UBE2H: variants seen among roughly 807,000 people sequenced by gnomAD.
The protein encoded by UBE2H is ubiquitin conjugating enzyme E2 H, also known as ubiquitin-conjugating enzyme E2 H.
UBE2H carries 3 observed loss-of-function variants against 29.0 expected under a neutral mutation model. The ratio of observed to expected loss-of-function variants is 0.10; its 90% CI spans 0.05 to 0.27. UBE2H has a LOEUF of 0.27. Ranked by LOEUF, UBE2H falls within the 10% of genes least tolerant of loss-of-function variation. UBE2H has a pLI of 1.00. For missense variants in UBE2H, 68 were observed against 228.2 expected (o/e 0.30, Z 4.52); for synonymous variants, 69 against 82.9 (o/e 0.83, Z 0.91).
chr7:129,920,089 G>C (rs1470103258), intron 1 of UBE2H, among the ~76,000 whole-genome samples: 1 of 152,122 alleles, frequency 6.6e-6, no homozygotes, highest in East Asian at 1.9e-4. Context: ...ATATTGTCCT[G>C]ATCAGCTTAT....
At chr7:129,883,432 G>C (rs1806294312) in intron 1 of UBE2H, among the ~76,000 whole-genome samples, 1 of 152,220 alleles carries the variant, frequency 6.6e-6, no homozygotes, top group Admixed American at 6.5e-5. Flanking sequence ...CGATGTTTAA[G>C]AATGTTCACA....
intron 3 of UBE2H, among the ~76,000 whole-genome samples, chr7:129,862,068 A>T (rs1805813852): frequency 6.6e-6 from 1 of 152,178 alleles, no homozygotes; most frequent in South Asian, 2.1e-4. Context: ...AATCAGAGGA[A>T]CCTCAGGTTA....
chr7:129,891,328 G>C (rs1806483801), intron 1 of UBE2H, among the ~76,000 whole-genome samples: 1 of 151,850 alleles, frequency 6.6e-6, no homozygotes, highest in African/African-American at 2.4e-5. Flanking sequence ...TGGGATTACA[G>C]GCATGCGCCA....
chr7:129,939,988 A>G (rs1379545528), intron 1 of UBE2H, among the ~76,000 whole-genome samples: 2 of 152,008 alleles, frequency 1.3e-5, no homozygotes, highest in Non-Finnish European at 2.9e-5. Context: ...GAAAGAAAGA[A>G]AAGCAAAATC....
intron 1 of UBE2H, among the ~76,000 whole-genome samples, chr7:129,888,010 T>C (rs1327237180): frequency 1.3e-5 from 2 of 152,112 alleles, no homozygotes; most frequent in South Asian, 2.1e-4. Context: ...CTATGAAAAA[T>C]ACAATCACAT....
intron 5 of UBE2H, among the ~76,000 whole-genome samples, chr7:129,845,311 G>C (rs1284072968): frequency 6.6e-6 from 1 of 152,164 alleles, no homozygotes; most frequent in Non-Finnish European, 1.5e-5. Context: ...GATGGGATCT[G>C]TATGTGTGTG....
chr7:129,928,896 A>T (rs1408560317), intron 1 of UBE2H, among the ~76,000 whole-genome samples: 2 of 152,252 alleles, frequency 1.3e-5, no homozygotes, highest in African/African-American at 4.8e-5. Flanking sequence ...ACTTTGTTTT[A>T]AAAGACTTGA....
intron 3 of UBE2H, among the ~76,000 whole-genome samples, chr7:129,866,684 A>G (rs2116335665): frequency 6.6e-6 from 1 of 152,348 alleles, no homozygotes; most frequent in Middle Eastern, 3.4e-3. Context: ...CGTATTGCAT[A>G]TATGTACCAA....
chr7:129,898,744 C>T (rs1196236305), intron 1 of UBE2H, among the ~76,000 whole-genome samples: 3 of 151,722 alleles, frequency 2.0e-5, no homozygotes, highest in Non-Finnish European at 2.9e-5. Context: ...GAGAATCCCT[C>T]CTGAAAGACA....
intron 1 of UBE2H, among the ~76,000 whole-genome samples, chr7:129,889,178 G>A (rs1291735489): frequency 1.3e-5 from 2 of 152,220 alleles, no homozygotes; most frequent in Admixed American, 1.3e-4. Flanking sequence ...AGTATTCCAT[G>A]CACAGTGCAT....
intron 3 of UBE2H, among the ~76,000 whole-genome samples, chr7:129,870,035 C>T (rs1805996875): frequency 6.6e-6 from 1 of 152,162 alleles, no homozygotes; most frequent in Admixed American, 6.5e-5. Flanking sequence ...TAGCCTTGTC[C>T]CTTTTCTTTG....
intron 1 of UBE2H, among the ~76,000 whole-genome samples, chr7:129,894,794 C>T (rs1250185829): frequency 2.0e-5 from 3 of 151,930 alleles, no homozygotes; most frequent in Non-Finnish European, 4.4e-5. Context: ...CGGCCCATAC[C>T]CATCATTTTT....
intron 1 of UBE2H, among the ~76,000 whole-genome samples, chr7:129,941,119 T>C (rs181371202): frequency 9.9e-5 from 15 of 152,260 alleles, no homozygotes; most frequent in Admixed American, 7.8e-4. Flanking sequence ...CACGCCCGGC[T>C]AATTTTTTGT....
chr7:129,855,715 T>C (rs1438083316), intron 5 of UBE2H, among the ~76,000 whole-genome samples: 1 of 152,124 alleles, frequency 6.6e-6, no homozygotes, highest in Non-Finnish European at 1.5e-5. Context: ...AATATACAAA[T>C]ACCAGTTTTA....
In UBE2H at chr7:129,876,903, A is replaced by G. The variant is rs568329949; in HGVS notation, c.205+2665T>C. ...CTCATGCAATCATGTAACTACTGAC[A>G]GCCCTCTAAAACTATATTTGGAGAG... On this transcript the variant is annotated intron_variant, in intron 3 of 6. Transcript: ENST00000355621. Among the ~76,000 whole-genome samples, 23 of 152,356 alleles carry G rather than the reference A, an allele frequency of 1.5e-4. No homozygotes were observed. The South Asian group carries it at 4.8e-3, about 32-fold the overall frequency.
intron 1 of UBE2H, among the ~76,000 whole-genome samples, chr7:129,920,934 G>A (rs952266162): frequency 1.3e-5 from 2 of 150,614 alleles, no homozygotes; most frequent in Non-Finnish European, 2.9e-5. Context: ...TGGTCAAAGT[G>A]GGAGGATCAC....
intron 1 of UBE2H, among the ~76,000 whole-genome samples, chr7:129,898,609 T>C (rs973365301): frequency 2.0e-5 from 3 of 152,084 alleles, no homozygotes; most frequent in Non-Finnish European, 4.4e-5. Flanking sequence ...AACTTGACAT[T>C]GAAAAGGTGA....
At chr7:129,872,130 CG>C (rs1554433171) in intron 3 of UBE2H, among the ~76,000 whole-genome samples, 1 of 152,156 alleles carries the variant, frequency 6.6e-6, no homozygotes, top group Non-Finnish European at 1.5e-5. Flanking sequence ...GCTGGTATTA[CG>C]GGCATGAGTC....
intron 1 of UBE2H, among the ~76,000 whole-genome samples, chr7:129,902,901 C>T (rs1045477623): frequency 6.6e-6 from 1 of 152,176 alleles, no homozygotes; most frequent in African/African-American, 2.4e-5. Context: ...TATGTTACAT[C>T]GTTTAATCCT....
Sources: gnomAD v4.1 joint callset for allele counts (sites outside exome capture counted in the v4.1 genomes callset) on GRCh38, gnomAD v4.1.1 for gene constraint, MANE v1.5 for transcripts, NCBI Gene and HGNC (gene_info 2026-07-23, HGNC 2026-07-21) for gene names.